Variants in PLA2G5 observed in about 807,000 individuals in gnomAD.
The protein encoded by PLA2G5 is phospholipase A2 group V.
In PLA2G5, 12 loss-of-function variants were observed where a neutral mutation model predicts 15.9. The observed-to-expected ratio is 0.76, with a 90% CI of 0.48 to 1.23. The LOEUF (loss-of-function observed/expected upper bound fraction) is 1.23. PLA2G5 is among the 50% of genes most tolerant of loss of function. The pLI, the probability that PLA2G5 is intolerant of heterozygous loss-of-function variation, is 0.00. For missense variants in PLA2G5, 169 were observed against 177.1 expected, an observed-to-expected ratio of 0.95 and a Z score of 0.26; for synonymous variants, 71 against 71.4, an observed-to-expected ratio of 0.99 and a Z score of 0.03.
rs1026807089 is a variant in PLA2G5 at position 20,070,511 on chromosome 1, C to T, written c.-11+46C>T. ...GCATAAATTGGGGGTTGTGGAGGGACGCCAGCTGGGAGGGAGAGACTGGAG... is the reference window on the plus strand; with the variant it reads ...GCATAAATTGGGGGTTGTGGAGGGATGCCAGCTGGGAGGGAGAGACTGGAG... On this transcript the variant is annotated intron_variant, in intron 1 of 4. Coordinates refer to ENST00000375108, the MANE Select transcript of PLA2G5 (RefSeq NM_000929.3). The T allele has an allele frequency of 2.9e-5, 28 of 978,906 alleles. No homozygotes were observed. The East Asian group carries it at 5.7e-4, about 20-fold the overall frequency. The allele number at this position is 978,906 out of a possible 1,614,324, so 60.6% of individuals were successfully genotyped here. A position where few individuals can be genotyped will look rare whatever the true frequency, so the allele number is the denominator to read the frequency against.
rs1166254631 is a variant in PLA2G5, at chr1:20,089,787, AG to A, written c.186del. ...CGGGATCTAAGTCTCTTGCACGGAC[AG>A]GTGCTGTTGGGCGCATGACCACTGC... On this transcript the variant is annotated splice_acceptor_variant, in intron 3 of 4. Coordinates refer to ENST00000375108, the MANE Select transcript of PLA2G5 (RefSeq NM_000929.3). LOFTEE classifies it high-confidence loss of function. 1 of 1,612,992 alleles carries A rather than the reference AG, an allele frequency of 6.2e-7. No individual in the cohort carries two copies. Among genetic ancestry groups the A allele is most frequent in the East Asian group, 2.2e-5 (1 of 44,872 alleles).
intron 1 of PLA2G5, among the ~76,000 whole-genome samples, chr1:20,075,019 G>T (rs866351416): frequency 1.3e-5 from 2 of 152,178 alleles, no homozygotes; most frequent in Non-Finnish European, 2.9e-5. Context: ...AGGAACCCTC[G>T]TTCTGGGCAC....
intron 1 of PLA2G5, among the ~76,000 whole-genome samples, chr1:20,047,695 C>G (rs780961789): frequency 6.6e-6 from 1 of 150,536 alleles, no homozygotes; most frequent in Non-Finnish European, 1.5e-5. Context: ...GGCTAAAGTT[C>G]TGAAGTAAAA....
At chr1:20,071,443 C>A (rs1002186403) in intron 1 of PLA2G5, among the ~76,000 whole-genome samples, 2 of 152,124 alleles carry the variant, frequency 1.3e-5, no homozygotes, top group African/African-American at 2.4e-5. Flanking sequence ...ACACTGAGCA[C>A]TGGAGATGTC....
At chr1:20,046,153 A>C (rs906902392) in intron 1 of PLA2G5, 1 of 152,108 alleles carries the variant, frequency 6.6e-6, no homozygotes, top group African/African-American at 2.4e-5. Flanking sequence ...TAAGTAGCTG[A>C]ATTTGGGTTT....
chr1:20,054,422 C>G (rs183066424), intron 1 of PLA2G5, among the ~76,000 whole-genome samples: 130 of 152,184 alleles, frequency 8.5e-4, no homozygotes, highest in Non-Finnish European at 1.5e-3. Flanking sequence ...TGTAGATACA[C>G]ATATATTTTC....
chr1:20,088,203 C>T (rs1280380045), intron 3 of PLA2G5, among the ~76,000 whole-genome samples: 2 of 152,078 alleles, frequency 1.3e-5, no homozygotes, highest in Non-Finnish European at 2.9e-5. Context: ...ACTAAAAATA[C>T]AAAATTATCT....
chr1:20,057,699 A>G (rs1274448482), intron 1 of PLA2G5, among the ~76,000 whole-genome samples: 1 of 152,106 alleles, frequency 6.6e-6, no homozygotes, highest in Non-Finnish European at 1.5e-5. Flanking sequence ...GGGTTTCACC[A>G]TGTTGGCCAG....
At chr1:20,053,309 C>T (rs563830480) in intron 1 of PLA2G5, among the ~76,000 whole-genome samples, 118 of 152,198 alleles carry the variant, frequency 7.8e-4, no homozygotes, top group African/African-American at 2.5e-3. Flanking sequence ...AGTTTCAAAA[C>T]TGATAATCCA....
At chr1:20,029,704 T>TA (rs1457144937) in intron 1 of PLA2G5, among the ~76,000 whole-genome samples, 2 of 152,182 alleles carry the variant, frequency 1.3e-5, no homozygotes, top group African/African-American at 2.4e-5. Flanking sequence ...TCCCAGCACT[T>TA]ACGTATCAGT....
upstream of PLA2G5, among the ~76,000 whole-genome samples, chr1:20,066,543 A>C (rs116110645): frequency 4.1e-3 from 622 of 152,320 alleles, 10 homozygotes; most frequent in African/African-American, 0.014. Context: ...CACCTTCCTT[A>C]CAAGAGTTGA....
At chr1:20,073,630 C>A (rs540789017) in intron 1 of PLA2G5, among the ~76,000 whole-genome samples, 1 of 152,268 alleles carries the variant, frequency 6.6e-6, no homozygotes, top group East Asian at 1.9e-4. Flanking sequence ...CACCTGTGAC[C>A]CCAGCATTTT....
At chr1:20,037,250 C>T (rs984465803) in intron 1 of PLA2G5, among the ~76,000 whole-genome samples, 1 of 152,088 alleles carries the variant, frequency 6.6e-6, no homozygotes, top group African/African-American at 2.4e-5. Flanking sequence ...TGGGGTGATC[C>T]CTTGATGTGG....
At chr1:20,042,617 A>C (rs1316773295) in intron 1 of PLA2G5, among the ~76,000 whole-genome samples, 1 of 152,010 alleles carries the variant, frequency 6.6e-6, no homozygotes, top group Non-Finnish European at 1.5e-5. Context: ...AGGATTTAGG[A>C]TCTATGGGGT....
rs142654364 is a variant in PLA2G5 at position 20,077,517 on chromosome 1, C to T, written c.-11+7052C>T. Among the ~76,000 whole-genome samples the T allele has an allele frequency of 3.0e-3, 461 of 152,036 alleles. 6 individuals carry two copies. Among genetic ancestry groups the T allele is most frequent in the African/African-American group, 0.011 (437 of 41,374 alleles). On this transcript the variant is annotated intron_variant, in intron 1 of 4. Transcript: ENST00000375108. ...TGTGCCAAGTGTTGGGTTACAGAGG[C>T]GAAGCAGACGCAGAGCCTACCCTCA...
At chr1:20,077,608 C>T (rs182274773) in intron 1 of PLA2G5, among the ~76,000 whole-genome samples, 1 of 152,314 alleles carries the variant, frequency 6.6e-6, no homozygotes, top group Admixed American at 6.5e-5. Flanking sequence ...TTACTGAGCA[C>T]CTACAGGGTG....
rs149950458 is a variant in PLA2G5, at chr1:20,033,562, C to T, written n.276+4853C>T. Among the ~76,000 whole-genome samples the T allele has an allele frequency of 1.5e-3, 231 of 152,208 alleles. 5 individuals carry two copies. The highest frequency in any genetic ancestry group is 5.3e-3 in the African/African-American group (220 of 41,524). The stretch of plus-strand genomic sequence containing the variant: ...GAGTGAGTTTCTGTGCCTCTGGGGC[C>T]AGCAATGTGGCCACACCCAATATTT... On this transcript the variant is annotated intron_variant and non_coding_transcript_variant, in intron 1 of 6. Coordinates refer to the PLA2G5 transcript ENST00000460175.
At chr1:20,064,880 C>T (rs1289807040) in intron 2 of PLA2G5, among the ~76,000 whole-genome samples, 1 of 152,130 alleles carries the variant, frequency 6.6e-6, no homozygotes, top group Admixed American at 6.5e-5. Context: ...ATGTAAAAAT[C>T]TCAGGCTTTC....
intron 1 of PLA2G5, among the ~76,000 whole-genome samples, chr1:20,078,507 G>T (rs975846748): frequency 2.0e-5 from 3 of 152,078 alleles, no homozygotes; most frequent in African/African-American, 4.8e-5. Context: ...TCTGATCACC[G>T]CCAGACACCA....
Sources: gnomAD v4.1 joint callset for allele counts (sites outside exome capture counted in the v4.1 genomes callset) on GRCh38, gnomAD v4.1.1 for gene constraint, MANE v1.5 for transcripts, NCBI Gene and HGNC (gene_info 2026-07-23, HGNC 2026-07-21) for gene names.